Variants in STK32B observed in about 807,000 individuals in gnomAD.
STK32B encodes the protein serine/threonine-protein kinase 32B.
STK32B carries 43 observed loss-of-function variants against 52.6 expected under a neutral mutation model. The observed-to-expected ratio is 0.82, with a 90% CI of 0.64 to 1.05. The LOEUF is 1.05. STK32B is among the 50% of genes least tolerant of loss of function. The pLI is 0.00. For synonymous variants in STK32B, 238 were observed against 204.3 expected (o/e 1.17, Z -1.41); for missense variants, 621 against 534.6 (o/e 1.16, Z -1.59).
intron 2 of STK32B, among the ~76,000 whole-genome samples, chr4:5,148,080 T>C (rs916837462): frequency 6.6e-6 from 1 of 151,930 alleles, no homozygotes; most frequent in Non-Finnish European, 1.5e-5. Context: ...CTTTAGTAGA[T>C]ATAAGGCACT....
intron 2 of STK32B, among the ~76,000 whole-genome samples, chr4:5,156,265 A>G (rs1717833779): frequency 1.3e-5 from 2 of 151,360 alleles, no homozygotes; most frequent in Admixed American, 1.3e-4. Flanking sequence ...TAACATATAT[A>G]ATATAAATGC....
rs1741781736 is a variant in STK32B at position 5,051,584 on chromosome 4, C to G, written c.-280C>G. ...CCGGCGCGAGGAGCTCCCGGGTTCC[C>G]GGGCGGGCACTGGAGTAAGGAGCTG... On this transcript the variant is annotated 5_prime_UTR_variant, in exon 1 of 12. Coordinates refer to ENST00000282908, the MANE Select transcript of STK32B (RefSeq NM_018401.3). The G allele has an allele frequency of 2.4e-6, 1 of 409,790 alleles. No homozygotes were observed. Among genetic ancestry groups the G allele is most frequent in the South Asian group, 5.8e-5 (1 of 17,142 alleles). 25.4% of individuals were successfully genotyped at this position (409,790 alleles called of 1,614,324 possible).
chr4:5,172,585 G>A (rs189848964), intron 3 of STK32B, among the ~76,000 whole-genome samples: 2 of 152,052 alleles, frequency 1.3e-5, no homozygotes, highest in South Asian at 2.1e-4. Context: ...TTTTGTCTTT[G>A]GTTCTGTTTA....
intron 3 of STK32B, among the ~76,000 whole-genome samples, chr4:5,279,108 C>A (rs1358997774): frequency 6.6e-6 from 1 of 152,170 alleles, no homozygotes; most frequent in Admixed American, 6.5e-5. Context: ...TCATGCCTTG[C>A]CGACAGTCCC....
intron 3 of STK32B, among the ~76,000 whole-genome samples, chr4:5,245,318 T>G (rs2108823151): frequency 6.6e-6 from 1 of 152,326 alleles, no homozygotes; most frequent in East Asian, 1.9e-4. Context: ...AATTGATCCC[T>G]TTACCATTAT....
At chr4:5,083,350 T>C (rs1712541711) in intron 1 of STK32B, among the ~76,000 whole-genome samples, 1 of 152,206 alleles carries the variant, frequency 6.6e-6, no homozygotes, top group Non-Finnish European at 1.5e-5. Context: ...GTCCACTTGA[T>C]TGTGGAAGGA....
chr4:5,256,568 C>T (rs75082899), intron 3 of STK32B, among the ~76,000 whole-genome samples: 4,032 of 152,258 alleles, frequency 0.026, 180 homozygotes, highest in African/African-American at 0.091. Context: ...CTCTCTGAAC[C>T]GTCAGCCAGG....
chr4:5,259,569 A>C (rs911618089), intron 3 of STK32B, among the ~76,000 whole-genome samples: 1 of 152,234 alleles, frequency 6.6e-6, no homozygotes, highest in African/African-American at 2.4e-5. Flanking sequence ...CAGTTACATA[A>C]AAATTTAATG....
rs78561612 is a variant in STK32B at position 5,198,813 on chromosome 4, C to T, written c.260+30363C>T. ...AACATTGTGTCCTCATGTCACATTT[C>T]GGTGGCACTGGTTGTGTGGCAGTCA... On this transcript the variant is annotated intron_variant, in intron 3 of 11. Coordinates refer to ENST00000282908, the MANE Select transcript of STK32B (RefSeq NM_018401.3). Among the ~76,000 whole-genome samples, 22 of 152,248 alleles carry T rather than the reference C, an allele frequency of 1.4e-4. No individual in the cohort carries two copies. In the East Asian group the frequency reaches 3.7e-3, roughly 25 times the overall value.
intron 3 of STK32B, among the ~76,000 whole-genome samples, chr4:5,202,779 C>CAGA (rs1722259349): frequency 6.6e-6 from 1 of 152,232 alleles, no homozygotes; most frequent in Admixed American, 6.5e-5. Flanking sequence ...GGTTCCATCC[C>CAGA]CTCATGTCTG....
chr4:5,207,096 G>A (rs1023235997), intron 3 of STK32B, among the ~76,000 whole-genome samples: 17 of 152,180 alleles, frequency 1.1e-4, no homozygotes, highest in Admixed American at 6.5e-4. Context: ...CTTCATTTAT[G>A]TATCTTGTGT....
intron 3 of STK32B, among the ~76,000 whole-genome samples, chr4:5,181,668 C>T (rs1336086760): frequency 1.3e-5 from 2 of 152,110 alleles, no homozygotes; most frequent in African/African-American, 2.4e-5. Flanking sequence ...ATACTGTAGT[C>T]GATTAAGTGT....
intron 4 of STK32B, among the ~76,000 whole-genome samples, chr4:5,354,383 A>G (rs1734041036): frequency 6.6e-6 from 1 of 152,222 alleles, no homozygotes; most frequent in Middle Eastern, 3.2e-3. Context: ...CTCCTGCCTC[A>G]GTCTCCTGAG....
chr4:5,317,446 A>G lies in STK32B; in HGVS notation c.261-13774A>G, dbSNP rs1454645867. On this transcript the variant is annotated intron_variant, in intron 3 of 11. Transcript: ENST00000282908. ...TAATACATATATATTACATATATAC[A>G]TAATATATATAATATATATGTATAA... 1.1e-3 allele frequency among the ~76,000 whole-genome samples: 82 copies of G among 73,760 alleles called. 11 individuals are homozygous for G. Among genetic ancestry groups the G allele is most frequent in the African/African-American group, 5.9e-3 (75 of 12,612 alleles). 48.4% of individuals were successfully genotyped at this position (73,760 alleles called of 152,430 possible). A position where few individuals can be genotyped will look rare whatever the true frequency, so the allele number is the denominator to read the frequency against.
chr4:5,169,893 T>C (rs944868924), intron 3 of STK32B, among the ~76,000 whole-genome samples: 8 of 151,856 alleles, frequency 5.3e-5, no homozygotes, highest in Non-Finnish European at 1.0e-4. Context: ...ACTCCTTTTC[T>C]TGTATTTTTT....
intron 3 of STK32B, among the ~76,000 whole-genome samples, chr4:5,239,194 G>T (rs1041152331): frequency 6.6e-6 from 1 of 152,150 alleles, no homozygotes; most frequent in South Asian, 2.1e-4. Context: ...AGAGAGGTGA[G>T]CAGGAGTAGG....
At chr4:5,405,355 G>T (rs1737587531) in intron 5 of STK32B, among the ~76,000 whole-genome samples, 1 of 152,056 alleles carries the variant, frequency 6.6e-6, no homozygotes, top group Admixed American at 6.5e-5. Flanking sequence ...GGGCCAGTTT[G>T]CTCACCCTAA....
chr4:5,210,331 C>A (rs1211987674), intron 3 of STK32B, among the ~76,000 whole-genome samples: 2 of 152,174 alleles, frequency 1.3e-5, no homozygotes, highest in Non-Finnish European at 2.9e-5. Context: ...TTCTGCCCTT[C>A]CCCATCTCCT....
At chr4:5,371,280 G>T (rs1377327511) in intron 4 of STK32B, among the ~76,000 whole-genome samples, 1 of 152,092 alleles carries the variant, frequency 6.6e-6, no homozygotes, top group Non-Finnish European at 1.5e-5. Flanking sequence ...GACTTAACAG[G>T]ATTCCTGCTA....
Sources: gnomAD v4.1 joint callset for allele counts (sites outside exome capture counted in the v4.1 genomes callset) on GRCh38, gnomAD v4.1.1 for gene constraint, MANE v1.5 for transcripts, NCBI Gene and HGNC (gene_info 2026-07-23, HGNC 2026-07-21) for gene names.